SCAMP5: variants seen among roughly 807,000 people sequenced by gnomAD.
SCAMP5 encodes the protein secretory carrier membrane protein 5.
SCAMP5 carries 7 observed loss-of-function variants against 28.3 expected under a neutral mutation model. The ratio of observed to expected loss-of-function variants is 0.25; its 90% CI spans 0.14 to 0.46. The LOEUF is 0.46. SCAMP5 is among the 20% of genes least tolerant of loss of function. The pLI, the probability that SCAMP5 is intolerant of heterozygous loss-of-function variation, is 0.99. For missense variants in SCAMP5, 192 were observed against 312.5 expected, an observed-to-expected ratio of 0.61 and a Z score of 2.91; for synonymous variants, 117 against 116.4, an observed-to-expected ratio of 1.00 and a Z score of -0.03.
At chr15:75,007,671 T>G (rs2065773310) in intron 1 of SCAMP5, 1 of 152,392 alleles carries the variant, frequency 6.6e-6, no homozygotes, top group African/African-American at 2.4e-5. Flanking sequence ...GTTCAATCAA[T>G]TCTCCTGCTT....
At chr15:75,006,591 T>C (rs1278844117) in intron 1 of SCAMP5, among the ~76,000 whole-genome samples, 1 of 152,012 alleles carries the variant, frequency 6.6e-6, no homozygotes, top group Non-Finnish European at 1.5e-5. Context: ...ATCGAGACTA[T>C]CCTGGCTAAC....
In SCAMP5 at chr15:74,996,028, G is replaced by T; in HGVS notation, c.-49+355G>T. The T allele has an allele frequency of 6.5e-6, 1 of 153,172 alleles. No homozygotes were observed. The highest frequency in any genetic ancestry group is 1.5e-5 in the Non-Finnish European group (1 of 68,748). The allele number at this position is 153,172 out of a possible 1,614,324, so 9.5% of individuals were successfully genotyped here. On this transcript the variant is annotated intron_variant, in intron 1 of 6. Coordinates refer to ENST00000425597, the MANE Select transcript of SCAMP5 (RefSeq NM_138967.4). The surrounding 1 kb of genome is among the most constrained non-coding windows in gnomAD (Gnocchi z 4.1). The stretch of plus-strand genomic sequence containing the variant: ...CCCACCTGGCGTTCCCTGGAAACCG[G>T]CCTTCTGGAGATGGCGTGCGCAGCC...
chr15:75,002,721 A>G (rs1306131383), intron 1 of SCAMP5, among the ~76,000 whole-genome samples: 3 of 142,588 alleles, frequency 2.1e-5, no homozygotes, highest in Non-Finnish European at 3.0e-5. Context: ...TTCTTCCCCA[A>G]CTATCCTATT....
intron 1 of SCAMP5, among the ~76,000 whole-genome samples, chr15:75,008,127 A>T (rs1720925637): frequency 6.6e-6 from 1 of 152,218 alleles, no homozygotes; most frequent in South Asian, 2.1e-4. Context: ...TATCAATTTA[A>T]AGTATAGTTA....
intron 4 of SCAMP5, among the ~76,000 whole-genome samples, chr15:75,017,217 A>G (rs2065867137): frequency 6.6e-6 from 1 of 152,026 alleles, no homozygotes; most frequent in South Asian, 2.1e-4. Flanking sequence ...TGTGTGCCAA[A>G]GGGAACACCC....
intron 1 of SCAMP5, among the ~76,000 whole-genome samples, chr15:75,004,195 C>G (rs562304913): frequency 1.3e-5 from 2 of 152,068 alleles, no homozygotes; most frequent in South Asian, 4.1e-4. Flanking sequence ...TGAGCCACCA[C>G]GTCTGGCCTA....
intron 1 of SCAMP5, chr15:75,011,545 C>T (rs1025669186): frequency 4.6e-4 from 137 of 298,040 alleles, no homozygotes; most frequent in Non-Finnish European, 3.7e-5. Context: ...TCCTTTCCTA[C>T]CCTTGGATGG....
At position 75,019,764 on chromosome 15, in the gene SCAMP5, T is replaced by A. The variant is rs926325890; in HGVS notation, c.*781T>A. 1.3e-5 allele frequency: 2 copies of A among 152,696 alleles called. No homozygotes were observed. The highest frequency in any genetic ancestry group is 6.5e-5 in the Admixed American group (1 of 15,292). 9.5% of individuals were successfully genotyped at this position (152,696 alleles called of 1,614,324 possible). A position where few individuals can be genotyped will look rare whatever the true frequency, so the allele number is the denominator to read the frequency against. On this transcript the variant is annotated 3_prime_UTR_variant, in exon 7 of 7. Transcript: ENST00000425597. ...AGGAAGCTGATGGGGAGCTGGGCCT[T>A]ACCCCTGATGTAGGAGGGGCACACA... is the stretch of plus-strand genomic sequence containing the variant.
chr15:75,008,852 CAAAT>C (rs1162966521), intron 1 of SCAMP5, among the ~76,000 whole-genome samples: 4 of 152,134 alleles, frequency 2.6e-5, no homozygotes, highest in Admixed American at 2.6e-4. Context: ...CTCGTATATT[CAAAT>C]AGTCACATTT....
chr15:75,005,137 T>C (rs2065744212), intron 1 of SCAMP5, among the ~76,000 whole-genome samples: 1 of 150,424 alleles, frequency 6.6e-6, no homozygotes, highest in South Asian at 2.1e-4. Context: ...ATCGTGCCAC[T>C]GCACTCCAGC....
At chr15:75,003,026 G>T (rs901953896) in intron 1 of SCAMP5, among the ~76,000 whole-genome samples, 1 of 152,132 alleles carries the variant, frequency 6.6e-6, no homozygotes, top group Non-Finnish European at 1.5e-5. Flanking sequence ...TGCCTCCTGG[G>T]CTCAAGCGAT....
Position 74,996,494 on chromosome 15 carries a change from G to A in SCAMP5, c.-49+821G>A, listed in dbSNP as rs2065655308. Among the ~76,000 whole-genome samples the A allele has an allele frequency of 6.6e-6, 1 of 152,160 alleles. No individual in the cohort carries two copies. Among genetic ancestry groups the A allele is most frequent in the South Asian group, 2.1e-4 (1 of 4,830 alleles). ...GTGAGGGCCTGGCAGACTTTCCCAG[G>A]GACACAGAGAGAAAGGGAGGCGACA... On this transcript the variant is annotated intron_variant, in intron 1 of 6. Coordinates refer to ENST00000425597, the MANE Select transcript of SCAMP5 (RefSeq NM_138967.4). The surrounding 1 kb of genome is among the most constrained non-coding windows in gnomAD (Gnocchi z 4.1).
At chr15:75,011,763 A>G in intron 1 of SCAMP5, 29 bp from the exon 2 acceptor site, 12 of 1,381,006 alleles carry the variant, frequency 8.7e-6, no homozygotes, top group African/African-American at 1.4e-5. Context: ...CCCTGATCTC[A>G]TCCTTCTCTG....
chr15:75,008,221 A>G (rs1422100249), intron 1 of SCAMP5, among the ~76,000 whole-genome samples: 2 of 151,978 alleles, frequency 1.3e-5, no homozygotes, highest in South Asian at 2.1e-4. Flanking sequence ...TTTTATGTGT[A>G]CAAGTATATT....
intron 1 of SCAMP5, among the ~76,000 whole-genome samples, chr15:75,003,534 C>T (rs952486294): frequency 6.6e-6 from 1 of 152,124 alleles, no homozygotes; most frequent in African/African-American, 2.4e-5. Context: ...ATGGGCTGGG[C>T]ACAGTGACCT....
At position 75,019,023 on chromosome 15, in the gene SCAMP5, G is replaced by A. The variant is rs1595890764; in HGVS notation, c.*40G>A. The A allele has an allele frequency of 3.6e-6, 5 of 1,389,038 alleles. No individual in the cohort carries two copies. The highest frequency in any genetic ancestry group is 2.9e-6 in the Non-Finnish European group (3 of 1,038,636). 86.0% of individuals were successfully genotyped at this position (1,389,038 alleles called of 1,614,324 possible). A position where few individuals can be genotyped will look rare whatever the true frequency, so the allele number is the denominator to read the frequency against. On this transcript the variant is annotated 3_prime_UTR_variant, in exon 7 of 7. Transcript: ENST00000425597. ...CCAGGTGGCAGAGCTGGGGCCATTG[G>A]GACAGGGGGCTCAAGCCACATCGTC...
chr15:75,011,962 A>T, intron 2 of SCAMP5, 116 bp downstream of exon 2: 3 of 785,968 alleles, frequency 3.8e-6, no homozygotes, highest in Non-Finnish European at 6.3e-6. Context: ...TTTCCATCTT[A>T]CTGTCCCCAA....
At chr15:75,002,229 G>A (rs962893452) in intron 1 of SCAMP5, among the ~76,000 whole-genome samples, 33 of 151,806 alleles carry the variant, frequency 2.2e-4, no homozygotes, top group Non-Finnish European at 4.9e-4. Flanking sequence ...CATCTGCTTG[G>A]ATCCTGTTCG....
In SCAMP5 at chr15:75,018,250, G is replaced by A; in HGVS notation, c.396-168G>A. ...GAGCACCTCTGAGCCACAGGGATGG[G>A]GTCTTCTTGAGCCACTGGCACAGGT... On this transcript the variant is annotated intron_variant, in intron 5 of 6. Transcript: ENST00000425597. The surrounding 1 kb of genome is among the most constrained non-coding windows in gnomAD (Gnocchi z 5.6). The A allele has an allele frequency of 1.6e-6, 1 of 641,414 alleles. No individual in the cohort carries two copies. 39.7% of individuals were successfully genotyped at this position (641,414 alleles called of 1,614,324 possible).
Sources: gnomAD v4.1 joint callset for allele counts (sites outside exome capture counted in the v4.1 genomes callset) on GRCh38, gnomAD v4.1.1 for gene constraint, Gnocchi (gnomAD v3.1) non-coding constraint, MANE v1.5 for transcripts, NCBI Gene and HGNC (gene_info 2026-07-23, HGNC 2026-07-21) for gene names.